OSBP2: variants seen among roughly 807,000 people sequenced by gnomAD.
OSBP2 encodes oxysterol binding protein 2.
Under a neutral mutation model 96.0 loss-of-function variants are expected in OSBP2, and 66 were observed. The observed-to-expected ratio is 0.69, with a 90% CI of 0.56 to 0.84. OSBP2 has a LOEUF of 0.84. OSBP2 is among the 40% of genes least tolerant of loss of function. The pLI is 0.00. For synonymous variants in OSBP2, 525 were observed against 520.9 expected (o/e 1.01, Z -0.11); for missense variants, 1,038 against 1,222.7 (o/e 0.85, Z 2.25).
intron 2 of OSBP2, among the ~76,000 whole-genome samples, chr22:30,812,536 A>T (rs2091023388): frequency 6.6e-6 from 1 of 152,236 alleles, no homozygotes; most frequent in Admixed American, 6.5e-5. Flanking sequence ...CTCTTGATGA[A>T]CAATAGATTC....
chr22:30,694,365 C>T (rs768900419), upstream of OSBP2: 26 of 1,524,320 alleles, frequency 1.7e-5, no homozygotes, highest in Middle Eastern at 1.7e-4. Context: ...CCATGGGGGG[C>T]GGGGCGTCGT....
At chr22:30,892,702 A>G (rs886612175) in intron 8 of OSBP2, among the ~76,000 whole-genome samples, 30 of 151,836 alleles carry the variant, frequency 2.0e-4, no homozygotes, top group Non-Finnish European at 3.4e-4. Flanking sequence ...GGCTAAAATC[A>G]CTCTGCCAGT....
intron 1 of OSBP2, among the ~76,000 whole-genome samples, chr22:30,695,813 G>A (rs2089020843): frequency 6.6e-6 from 1 of 152,234 alleles, no homozygotes; most frequent in Admixed American, 6.5e-5. Flanking sequence ...GAGTAAGGGA[G>A]TGATCTGGGG....
chr22:30,858,498 A>T (rs1381323661), intron 2 of OSBP2, among the ~76,000 whole-genome samples: 7 of 151,930 alleles, frequency 4.6e-5, no homozygotes. Flanking sequence ...CAGCAGAAAG[A>T]AAAACTCAAA....
At position 30,889,747 on chromosome 22, in the gene OSBP2, T is replaced by A. The variant is rs2039901842; in HGVS notation, c.1623+111T>A. 7 of 970,622 alleles carry A rather than the reference T, an allele frequency of 7.2e-6. No homozygotes were observed. The South Asian group carries it at 1.0e-4, about 14-fold the overall frequency. The allele number at this position is 970,622 out of a possible 1,614,324, so 60.1% of individuals were successfully genotyped here. A position where few individuals can be genotyped will look rare whatever the true frequency, so the allele number is the denominator to read the frequency against. On this transcript the variant is annotated intron_variant, in intron 7 of 13. Transcript: ENST00000332585. ...TACACACAGCCTTGGAGTGTCATTT[T>A]CTTAACGGCACCTGAGGAGCATGTA...
intron 1 of OSBP2, among the ~76,000 whole-genome samples, chr22:30,740,851 T>G (rs963617252): frequency 6.6e-6 from 1 of 152,188 alleles, no homozygotes; most frequent in African/African-American, 2.4e-5. Flanking sequence ...TTGAGAGACC[T>G]GGGCAGTCAT....
chr22:30,820,713 C>G (rs1203430377), intron 2 of OSBP2, among the ~76,000 whole-genome samples: 1 of 152,174 alleles, frequency 6.6e-6, no homozygotes, highest in Non-Finnish European at 1.5e-5. Flanking sequence ...AAGCATGCAG[C>G]CTGGTGTTCT....
chr22:30,839,225 C>G (rs999897167), intron 2 of OSBP2, among the ~76,000 whole-genome samples: 1 of 145,394 alleles, frequency 6.9e-6, no homozygotes, highest in Non-Finnish European at 1.5e-5. Context: ...ATATGTGCCA[C>G]ATTTTCTTAA....
At chr22:30,875,605 C>T (rs2039562405) in intron 3 of OSBP2, among the ~76,000 whole-genome samples, 1 of 152,220 alleles carries the variant, frequency 6.6e-6, no homozygotes, top group Non-Finnish European at 1.5e-5. Context: ...CTCCCGACTG[C>T]AGGTAATCCG....
chr22:30,711,811 C>T (rs906167034), intron 1 of OSBP2, among the ~76,000 whole-genome samples: 2 of 151,486 alleles, frequency 1.3e-5, no homozygotes, highest in African/African-American at 4.9e-5. Context: ...CTCTGTGTTT[C>T]ATCTCCTTGC....
chr22:30,715,025 A>G (rs2089424298), intron 1 of OSBP2, among the ~76,000 whole-genome samples: 2 of 151,174 alleles, frequency 1.3e-5, no homozygotes, highest in South Asian at 4.2e-4. Flanking sequence ...TAGTGATTAT[A>G]CCATTTTACA....
At position 30,906,312 on chromosome 22, in the gene OSBP2, C is replaced by G; in HGVS notation, c.2724C>G (p.Asp908Glu). ...GGYWEAKEKQ[D>E]WHMCPNIF ...ACTGGGAGGCCAAGGAGAAGCAAGA[C>G]TGGCATATGTGCCCCAACATCTTCT... Residue 908 changes from aspartate to glutamate, a missense_variant, in exon 14 of 14, where the codon GAC (aspartate) becomes GAG (glutamate). Coordinates refer to ENST00000332585, the MANE Select transcript of OSBP2 (RefSeq NM_030758.4). 1.2e-6 allele frequency: 2 copies of G among 1,612,194 alleles called. No homozygotes were observed. The highest frequency in any genetic ancestry group is 1.7e-6 in the Non-Finnish European group (2 of 1,178,756).
intron 7 of OSBP2, among the ~76,000 whole-genome samples, 194 bp downstream of exon 7, chr22:30,889,830 T>C (rs893836774): frequency 2.6e-5 from 4 of 152,150 alleles, no homozygotes; most frequent in Admixed American, 2.0e-4. Flanking sequence ...ACAGGGATCT[T>C]TGGGCTCTGA....
chr22:30,782,521 A>G (rs1272172596), intron 2 of OSBP2, among the ~76,000 whole-genome samples: 2 of 152,194 alleles, frequency 1.3e-5, no homozygotes, highest in Non-Finnish European at 2.9e-5. Context: ...ATGGGATTGT[A>G]CTGCAAGTAC....
intron 12 of OSBP2, among the ~76,000 whole-genome samples, chr22:30,898,707 CCT>C (rs1004356648): frequency 1.3e-5 from 2 of 151,936 alleles, no homozygotes; most frequent in African/African-American, 4.8e-5. Flanking sequence ...CGGTCCCTCC[CCT>C]GACATGTGGG....
chr22:30,744,497 C>G (rs1266469176), intron 2 of OSBP2, among the ~76,000 whole-genome samples: 1 of 152,192 alleles, frequency 6.6e-6, no homozygotes, highest in African/African-American at 2.4e-5. Flanking sequence ...TACTCCCCAG[C>G]TCTTTTGCCA....
chr22:30,705,555 A>C (rs2089239498), intron 1 of OSBP2, among the ~76,000 whole-genome samples: 1 of 152,012 alleles, frequency 6.6e-6, no homozygotes, highest in African/African-American at 2.4e-5. Flanking sequence ...GGCCTCCCAA[A>C]GTGCTGGGAT....
intron 2 of OSBP2, among the ~76,000 whole-genome samples, chr22:30,747,204 G>A (rs563065312): frequency 6.6e-6 from 1 of 152,336 alleles, no homozygotes; most frequent in South Asian, 2.1e-4. Flanking sequence ...TGGTTTGTAG[G>A]AACTAGGGGG....
chr22:30,890,443 T>C lies in OSBP2; in HGVS notation c.1624-285T>C, dbSNP rs1302178817. ...ACAGCAGTGGGCCAGGCAGAACCCC[T>C]GGCCTTGGTGGGTGTCCATCCGAGC... On this transcript the variant is annotated intron_variant, in intron 7 of 13. Transcript: ENST00000332585. The surrounding 1 kb of genome is among the most constrained non-coding windows in gnomAD (Gnocchi z 4.4). Among the ~76,000 whole-genome samples the C allele has an allele frequency of 6.6e-6, 1 of 152,198 alleles. No homozygotes were observed. Among genetic ancestry groups the C allele is most frequent in the Non-Finnish European group, 1.5e-5 (1 of 68,032 alleles).
Sources: gnomAD v4.1 joint callset for allele counts (sites outside exome capture counted in the v4.1 genomes callset) on GRCh38, gnomAD v4.1.1 for gene constraint, Gnocchi (gnomAD v3.1) non-coding constraint, MANE v1.5 for transcripts, NCBI Gene and HGNC (gene_info 2026-07-23, HGNC 2026-07-21) for gene names.